The following FSTL5 variants were observed in gnomAD, a reference collection of about 807,000 sequenced individuals.
The protein encoded by FSTL5 is follistatin like 5, also known as follistatin-related protein 5.
FSTL5 carries 62 observed loss-of-function variants against 89.1 expected under a neutral mutation model. That is an observed-to-expected ratio of 0.70 (90% CI 0.57 to 0.86). The LOEUF is 0.86. Among genes scored for constraint, FSTL5 ranks in the 40% least tolerant of loss-of-function variants. The pLI is 0.00. For missense variants in FSTL5, 1,057 were observed against 1,001.6 expected (o/e 1.06, Z -0.75); for synonymous variants, 383 against 346.2 (o/e 1.11, Z -1.18).
intron 10 of FSTL5, among the ~76,000 whole-genome samples, chr4:161,522,861 C>T (rs1731086146): frequency 1.3e-5 from 2 of 151,530 alleles, no homozygotes; most frequent in African/African-American, 2.4e-5. Context: ...TAAAAAATAT[C>T]TCATTTATTA....
At chr4:161,767,904 C>CAA (rs149226565) in intron 5 of FSTL5, among the ~76,000 whole-genome samples, 77 of 151,430 alleles carry the variant, frequency 5.1e-4, no homozygotes, top group Middle Eastern at 3.4e-3. Context: ...GACACACCAA[C>CAA]GAAAAAAAAT....
At chr4:161,703,694 A>G (rs766104154) in intron 6 of FSTL5, among the ~76,000 whole-genome samples, 1 of 152,174 alleles carries the variant, frequency 6.6e-6, no homozygotes, top group Non-Finnish European at 1.5e-5. Context: ...GCTGAACAAC[A>G]TATAGGAGAA....
intron 4 of FSTL5, among the ~76,000 whole-genome samples, chr4:161,862,713 A>T (rs1392359976): frequency 6.6e-6 from 1 of 152,170 alleles, no homozygotes; most frequent in East Asian, 1.9e-4. Flanking sequence ...CCCTGGTGAC[A>T]GAGAGAGACT....
At chr4:161,721,808 T>C (rs906217975) in intron 6 of FSTL5, among the ~76,000 whole-genome samples, 5 of 152,222 alleles carry the variant, frequency 3.3e-5, no homozygotes, top group Non-Finnish European at 7.4e-5. Flanking sequence ...CTTTACTTAA[T>C]AGAAATTCTT....
At chr4:161,711,324 G>T (rs1452090816) in intron 6 of FSTL5, among the ~76,000 whole-genome samples, 1 of 151,626 alleles carries the variant, frequency 6.6e-6, no homozygotes, top group African/African-American at 2.4e-5. Flanking sequence ...AGAAGGAAGT[G>T]ACACCACTAA....
At chr4:161,510,285 A>G (rs1381409567) in intron 11 of FSTL5, 113 bp downstream of exon 11, 1 of 714,848 alleles carries the variant, frequency 1.4e-6, no homozygotes, top group Non-Finnish European at 2.3e-6. Flanking sequence ...ACCATCAATT[A>G]AAATATTGAA....
chr4:162,069,451 T>C (rs1043754275), intron 2 of FSTL5, among the ~76,000 whole-genome samples: 6 of 151,938 alleles, frequency 3.9e-5, no homozygotes, highest in African/African-American at 9.7e-5. Flanking sequence ...TTGTTAACTA[T>C]AGTCAACCCA....
intron 8 of FSTL5, among the ~76,000 whole-genome samples, chr4:161,544,304 T>C (rs565246163): frequency 6.6e-6 from 1 of 152,118 alleles, no homozygotes; most frequent in African/African-American, 2.4e-5. Context: ...GGTGGGAATA[T>C]AAAATGATGC....
chr4:162,098,884 A>G (rs1730873612), intron 2 of FSTL5, among the ~76,000 whole-genome samples: 1 of 152,148 alleles, frequency 6.6e-6, no homozygotes, highest in African/African-American at 2.4e-5. Flanking sequence ...AAAAACAGCA[A>G]CAAAAAGAAT....
intron 2 of FSTL5, among the ~76,000 whole-genome samples, chr4:162,045,687 G>A (rs1329394188): frequency 1.3e-5 from 2 of 152,126 alleles, no homozygotes; most frequent in African/African-American, 2.4e-5. Flanking sequence ...GGGCTACCAC[G>A]AACCTTCCAT....
intron 1 of FSTL5, among the ~76,000 whole-genome samples, chr4:162,149,491 AT>A (rs1733142617): frequency 6.6e-6 from 1 of 151,836 alleles, no homozygotes; most frequent in Non-Finnish European, 1.5e-5. Flanking sequence ...AAAAAAAAAA[AT>A]TAGTTCTGTG....
intron 2 of FSTL5, among the ~76,000 whole-genome samples, chr4:162,105,474 G>A (rs1317449791): frequency 6.6e-6 from 1 of 151,986 alleles, no homozygotes; most frequent in East Asian, 1.9e-4. Context: ...ACTATTACAT[G>A]TACTTTGATC....
intron 4 of FSTL5, among the ~76,000 whole-genome samples, chr4:161,854,639 T>C (rs1731664781): frequency 1.3e-5 from 2 of 152,086 alleles, no homozygotes; most frequent in Admixed American, 6.6e-5. Flanking sequence ...AAATAAGAAA[T>C]GTCAGGAATA....
rs142626807 is a variant in FSTL5 at position 161,665,976 on chromosome 4, T to G, written c.728-9482A>C. Among the ~76,000 whole-genome samples the G allele has an allele frequency of 3.8e-3, 572 of 152,174 alleles. 5 individuals are homozygous for G. Among genetic ancestry groups the G allele is most frequent in the African/African-American group, 0.013 (520 of 41,546 alleles). ...GAAGGCCAGATAATATAAAATAATA[T>G]TTCCATAACATTGGGTAGAGAAAGA... On this transcript the variant is annotated intron_variant, in intron 6 of 15. Coordinates refer to ENST00000306100, the MANE Select transcript of FSTL5 (RefSeq NM_020116.5).
At position 161,564,634 on chromosome 4, in the gene FSTL5, C is replaced by G. The variant is rs550018774; in HGVS notation, c.1016-21941G>C. ...TCACTTTCAAAATGATACTTATAATCTTTAATCTTTTATTAATACATGATA... is the reference window on the plus strand; with the variant it reads ...TCACTTTCAAAATGATACTTATAATGTTTAATCTTTTATTAATACATGATA... On this transcript the variant is annotated intron_variant, in intron 8 of 15. Transcript: ENST00000306100. Among the ~76,000 whole-genome samples the G allele has an allele frequency of 4.8e-3, 724 of 151,414 alleles. 1 individual carries two copies. Among genetic ancestry groups the G allele is most frequent in the African/African-American group, 0.016 (664 of 41,378 alleles).
intron 3 of FSTL5, chr4:162,022,918 C>T (rs1410672838): frequency 6.6e-6 from 1 of 152,052 alleles, no homozygotes; most frequent in Admixed American, 6.6e-5. Context: ...AGGTAATGAA[C>T]ACTCAAAAGG....
intron 15 of FSTL5, among the ~76,000 whole-genome samples, chr4:161,450,135 TC>T (rs1733110943): frequency 6.6e-6 from 1 of 152,206 alleles, no homozygotes; most frequent in South Asian, 2.1e-4. Context: ...TGGAAAAATT[TC>T]ATGGAAATTA....
At chr4:161,609,247 T>A (rs1734559957) in intron 7 of FSTL5, among the ~76,000 whole-genome samples, 1 of 152,108 alleles carries the variant, frequency 6.6e-6, no homozygotes, top group Non-Finnish European at 1.5e-5. Context: ...CACAGGGATT[T>A]ATTTGGAAAA....
chr4:161,563,438 C>A (rs1220105595), intron 8 of FSTL5, among the ~76,000 whole-genome samples: 1 of 151,958 alleles, frequency 6.6e-6, no homozygotes, highest in Admixed American at 6.6e-5. Flanking sequence ...TCCAAATTCT[C>A]CACATTCTGA....
Sources: allele counts gnomAD v4.1 joint callset (sites outside exome capture counted in the v4.1 genomes callset), GRCh38; gene constraint gnomAD v4.1.1; transcripts MANE v1.5; gene names NCBI Gene and HGNC (gene_info 2026-07-23, HGNC 2026-07-21).